Variants in ABCA7 observed in about 807,000 individuals in gnomAD.
ABCA7 encodes phospholipid-transporting ATPase ABCA7.
Under a neutral mutation model 227.6 loss-of-function variants are expected in ABCA7, and 261 were observed. The ratio of observed to expected loss-of-function variants is 1.15; its 90% CI spans 1.04 to 1.27. ABCA7 has a LOEUF of 1.27. Among genes scored for constraint, ABCA7 ranks in the 50% most tolerant of loss-of-function variants. The probability of loss-of-function intolerance (pLI) is 0.00; values close to 1 mark genes in which losing one functional copy is unlikely to be tolerated. For synonymous variants in ABCA7, 1,488 were observed against 1,279.7 expected, an observed-to-expected ratio of 1.16 and a Z score of -3.47; for missense variants, 3,331 against 2,924.5, an observed-to-expected ratio of 1.14 and a Z score of -3.21.
rs2042838742 is a variant in ABCA7 at position 1,063,684 on chromosome 19, TG to T, written c.5847+9del. On this transcript the variant is annotated splice_region_variant and intron_variant, in intron 43 of 46. Transcript: ENST00000263094. ...ACCCAGCCGTGGTGTTTCTGGTGCG[TG>T]GGAGCGGTGCCTGGGTGGGGTGGGG... 6.3e-7 allele frequency: 1 copy of T among 1,586,256 alleles called. No homozygotes were observed. Among genetic ancestry groups the T allele is most frequent in the African/African-American group, 1.3e-5 (1 of 74,414 alleles).
At position 1,058,893 on chromosome 19, in the gene ABCA7, C is replaced by T; in HGVS notation, c.5353C>T (p.Gln1785Ter). ...DVARERERVV[Q>*]GATQGDVLVL... The stretch of plus-strand genomic sequence containing the variant: ...AGCCCGTGAACGGGAGCGGGTGGTC[C>T]AAGGAGCCACCCAGGGGGATGTGTT... The change falls in exon 39 of 47, where the codon CAA (glutamine) becomes TAA (stop). Residue 1785 changes from glutamine (Q) to a stop codon, truncating the protein, a stop_gained. Transcript: ENST00000263094. LOFTEE classifies it high-confidence loss of function. 1.3e-6 allele frequency: 2 copies of T among 1,585,586 alleles called. No homozygotes were observed. The highest frequency in any genetic ancestry group is 8.6e-7 in the Non-Finnish European group (1 of 1,162,090).
Position 1,046,911 on chromosome 19 carries a change from C to A in ABCA7, c.1732C>A (p.Arg578=), listed in dbSNP as rs564544240. Residue 578 remains arginine (R), a synonymous_variant, in exon 14 of 47, where the codon CGG becomes AGG. Transcript: ENST00000263094. ...GGTGCGGGAGAAGGAGACGCGGCTG[C>A]GGGACACCATGCGCGCCATGGGGCT... The part of the protein sequence containing the change: ...AVVREKETRL[R]DTMRAMGLSR... The A allele has an allele frequency of 1.4e-5, 21 of 1,551,500 alleles. No individual in the cohort carries two copies. The Middle Eastern group carries it at 1.7e-3, about 123-fold the overall frequency.
In ABCA7 at chr19:1,063,763, G is replaced by C; in HGVS notation, c.5851G>C (p.Glu1951Gln). ...VGDPAVVFLD[E>Q]PTTGMDPSAR... ...TGGGATCTTCCGTGCTCCCCAGGAC[G>C]AGCCGACCACAGGCATGGACCCCAG... Residue 1951 changes from glutamate (E) to glutamine (Q), a missense_variant, in exon 44 of 47, where the codon GAG (glutamate) becomes CAG (glutamine). Physicochemically the swap from Glu to Gln is conservative, Grantham distance 29 (BLOSUM62 2). Transcript: ENST00000263094. 1.9e-6 allele frequency: 3 copies of C among 1,547,214 alleles called. No individual in the cohort carries two copies. Among genetic ancestry groups the C allele is most frequent in the Non-Finnish European group, 2.6e-6 (3 of 1,145,886 alleles).
In ABCA7 at chr19:1,051,068, C is replaced by A. The variant is rs1319165590; in HGVS notation, c.2684+16C>A. ...TGTTTGACATGTGCGTCTCGGCAGG[C>A]CCAGAGTGCAGCGGTGGGAAGGGAC... is the stretch of plus-strand genomic sequence containing the variant. On this transcript the variant is annotated intron_variant, in intron 19 of 46. Coordinates refer to ENST00000263094, the MANE Select transcript of ABCA7 (RefSeq NM_019112.4). The A allele has an allele frequency of 1.9e-6, 3 of 1,609,004 alleles. No individual in the cohort carries two copies. The South Asian group carries it at 3.3e-5, about 18-fold the overall frequency.
rs780081585 is a variant in ABCA7, at chr19:1,063,590, A to G, written c.5759A>G (p.Asp1920Gly). 14 of 1,611,072 alleles carry G rather than the reference A, an allele frequency of 8.7e-6. No homozygotes were observed. In the African/African-American group the frequency reaches 1.6e-4, roughly 18 times the overall value. The change falls in exon 43 of 47, where the codon GAC (aspartate) becomes GGC (glycine). Residue 1920 changes from aspartate to glycine, a missense_variant. Physicochemically the swap from Asp to Gly is moderately conservative, Grantham distance 94 (BLOSUM62 -1). Coordinates refer to ENST00000263094, the MANE Select transcript of ABCA7 (RefSeq NM_019112.4). Reference protein sequence around the residue: ...LARLGLSWYADRPAGTYSGGN... With the variant: ...LARLGLSWYAGRPAGTYSGGN... ...CGTCTGGGACTCTCATGGTACGCAGACCGGCCTGCAGGCACCTACAGCGGA... is the reference window on the plus strand; with the variant it reads ...CGTCTGGGACTCTCATGGTACGCAGGCCGGCCTGCAGGCACCTACAGCGGA...
Position 1,044,592 on chromosome 19 carries a change from C to A in ABCA7, c.1063C>A (p.Gln355Lys). The A allele has an allele frequency of 6.2e-7, 1 of 1,612,100 alleles. No individual in the cohort carries two copies. The highest frequency in any genetic ancestry group is 2.2e-5 in the East Asian group (1 of 44,848). ...VAMLQRLLQM[Q>K]DEGRRQPRPG... ...CGCCCCCCAGCGGCTCCTGCAGATG[C>A]AGGATGAAGGAAGAAGGCAGCCCAG... Residue 355 changes from glutamine to lysine, a missense_variant, in exon 11 of 47, where the codon CAG becomes AAG. Transcript: ENST00000263094.
At position 1,042,377 on chromosome 19, in the gene ABCA7, C is replaced by T; in HGVS notation, c.478C>T (p.Leu160=). 1 of 1,607,032 alleles carries T rather than the reference C, an allele frequency of 6.2e-7. No individual in the cohort carries two copies. Among genetic ancestry groups the T allele is most frequent in the Non-Finnish European group, 8.5e-7 (1 of 1,175,296 alleles). ...ACCCATGCTGGATGTCGCGGAGCTGCTGACGTCACTGCTGCGCACGGTAGG... is the reference window on the plus strand; with the variant it reads ...ACCCATGCTGGATGTCGCGGAGCTGTTGACGTCACTGCTGCGCACGGTAGG... The part of the protein sequence containing the change: ...EPPMLDVAEL[L]TSLLRTESLG... Residue 160 remains leucine, a synonymous_variant, in exon 6 of 47, where the codon CTG becomes TTG. Coordinates refer to ENST00000263094, the MANE Select transcript of ABCA7 (RefSeq NM_019112.4).
intron 38 of ABCA7, 29 bp downstream of exon 38, chr19:1,058,776 G>T (rs781489284): frequency 6.2e-7 from 1 of 1,606,990 alleles, no homozygotes; most frequent in East Asian, 2.2e-5. Flanking sequence ...GAGGGTGGCA[G>T]GGGCCAAGGA....
At chr19:1,046,206 C>G (rs759543849) in intron 12 of ABCA7, 24 bp from the exon 13 acceptor site, 1 of 1,602,230 alleles carries the variant, frequency 6.2e-7, no homozygotes, top group Non-Finnish European at 8.5e-7. Context: ...TTCCCTACAA[C>G]CGGCCACCAT....
chr19:1,051,033 T>C lies in ABCA7; in HGVS notation c.2665T>C (p.Tyr889His), dbSNP rs1200566860. The C allele has an allele frequency of 1.2e-6, 2 of 1,611,792 alleles. No homozygotes were observed. The highest frequency in any genetic ancestry group is 2.2e-5 in the South Asian group (2 of 91,014). The change falls in exon 19 of 47, where the codon TAC becomes CAC. Residue 889 changes from tyrosine to histidine, a missense_variant. Physicochemically the swap from Tyr to His is moderately conservative, Grantham distance 83. Transcript: ENST00000263094. ...GCCCCACCTGGGCGTCTGTCCTCAG[T>C]ACAACGTGCTGTTTGACATGTGCGT... ...IRPHLGVCPQ[Y>H]NVLFDMLTVD...
At chr19:1,042,631 T>G (rs1400357660) in intron 6 of ABCA7, 115 bp from the exon 7 acceptor site, 1 of 1,189,064 alleles carries the variant, frequency 8.4e-7, no homozygotes, top group East Asian at 2.3e-5. Flanking sequence ...AGCCTCAGTT[T>G]CCCTATTTGT....
In ABCA7 at chr19:1,043,040, G is replaced by T; in HGVS notation, c.580-1G>T. The T allele has an allele frequency of 6.3e-7, 1 of 1,597,942 alleles. No individual in the cohort carries two copies. The highest frequency in any genetic ancestry group is 8.6e-7 in the Non-Finnish European group (1 of 1,169,190). On this transcript the variant is annotated splice_acceptor_variant, in intron 7 of 46. Coordinates refer to ENST00000263094, the MANE Select transcript of ABCA7 (RefSeq NM_019112.4). LOFTEE classifies it high-confidence loss of function. ...AGCTCCGTCTGGTAACCTCTCTCTA[G>T]CTCCTGGCGCTGCGCAGCCTGGTGG...
Position 1,062,256 on chromosome 19 carries a change from C to T in ABCA7, c.5655C>T (p.Arg1885=), listed in dbSNP as rs751066919. Residue 1885 remains arginine, a synonymous_variant, in exon 42 of 47, where the codon CGC becomes CGT. Transcript: ENST00000263094. ...CCATCTTTGAGCTGCTGACGGGCCG[C>T]GAGCACCTGGAGCTGCTTGCGCGCC... is the stretch of plus-strand genomic sequence containing the variant. The part of the protein sequence containing the change: ...SDAIFELLTG[R]EHLELLARLR... 14 of 1,611,612 alleles carry T rather than the reference C, an allele frequency of 8.7e-6. No individual in the cohort carries two copies. Among genetic ancestry groups the T allele is most frequent in the Non-Finnish European group, 1.1e-5 (13 of 1,179,786 alleles).
In ABCA7 at chr19:1,041,427, G is replaced by A. The variant is rs1298550372; in HGVS notation, c.66G>A (p.Pro22=). 7 of 1,613,984 alleles carry A rather than the reference G, an allele frequency of 4.3e-6. No individual in the cohort carries two copies. Among genetic ancestry groups the A allele is most frequent in the South Asian group, 1.1e-5 (1 of 91,082 alleles). ...WKNFMYRRRQ[P]VQLLVELLWP... Reference sequence around the variant, plus strand: ...ATTTCATGTATCGCCGGAGACAGCCGGTAACGCCCCAGTGTGAGACCAGGG... The same window carrying A: ...ATTTCATGTATCGCCGGAGACAGCCAGTAACGCCCCAGTGTGAGACCAGGG... Residue 22 remains proline (P), a splice_region_variant and synonymous_variant, in exon 2 of 47, where the codon CCG becomes CCA. Transcript: ENST00000263094.
chr19:1,051,525 G>C lies in ABCA7; in HGVS notation c.2901G>C (p.Thr967=). The C allele has an allele frequency of 1.2e-6, 2 of 1,612,678 alleles. No homozygotes were observed. The change falls in exon 21 of 47, where the codon ACG becomes ACC. Residue 967 remains threonine, a synonymous_variant. Coordinates refer to ENST00000263094, the MANE Select transcript of ABCA7 (RefSeq NM_019112.4). ...GSQVVILDEP[T]AGVDPASRRG... is the part of the protein sequence containing the mutation. Reference sequence around the variant, plus strand: ...AAGTTGTTATCCTGGACGAGCCTACGGCTGGCGTGGATCCTGCTTCCCGCC... The same window carrying C: ...AAGTTGTTATCCTGGACGAGCCTACCGCTGGCGTGGATCCTGCTTCCCGCC...
chr19:1,051,169 A>G lies in ABCA7; in HGVS notation c.2699A>G (p.Glu900Gly). The change falls in exon 20 of 47, where the codon GAG becomes GGG. Residue 900 changes from glutamate (E) to glycine (G), a missense_variant. Physicochemically the swap from Glu to Gly is moderately conservative, Grantham distance 98. Coordinates refer to ENST00000263094, the MANE Select transcript of ABCA7 (RefSeq NM_019112.4). ...ACTGGCCGCAGGCTGACCGTGGACG[A>G]GCACGTCTGGTTCTATGGGCGGCTG... ...NVLFDMLTVD[E>G]HVWFYGRLKG... The G allele has an allele frequency of 1.2e-6, 2 of 1,611,254 alleles. No individual in the cohort carries two copies. The highest frequency in any genetic ancestry group is 1.7e-4 in the Middle Eastern group (1 of 6,060).
At position 1,057,943 on chromosome 19, in the gene ABCA7, G is replaced by GCCT. The variant is rs755975422; in HGVS notation, c.4913_4915dup (p.Ser1638dup). The GCCT allele has an allele frequency of 6.2e-7, 1 of 1,614,028 alleles. No individual in the cohort carries two copies. The highest frequency in any genetic ancestry group is 1.1e-5 in the South Asian group (1 of 91,080). ...GTCGATCACACCGCTCATGTACCCA[G>GCCT]CCTCCTTCTTCTTCTCCGTGCCCAG... On this transcript the variant is annotated inframe_insertion, in exon 36 of 47. Transcript: ENST00000263094.
rs1227320762 is a variant in ABCA7, at chr19:1,046,322, C to G, written c.1538C>G (p.Ala513Gly). The change falls in exon 13 of 47, where the codon GCA becomes GGA. Residue 513 changes from alanine (A) to glycine (G), a missense_variant. Physicochemically the swap from Ala to Gly is moderately conservative, Grantham distance 60 (BLOSUM62 0). Transcript: ENST00000263094. ...FVYLQDLVER[A>G]AVRVLSGANP... is the part of the protein sequence containing the mutation. ...TACCTGCAAGACCTGGTGGAGCGTG[C>G]AGCCGTCCGCGTGCTCAGCGGCGCC... 1 of 1,603,666 alleles carries G rather than the reference C, an allele frequency of 6.2e-7. No homozygotes were observed. Among genetic ancestry groups the G allele is most frequent in the Admixed American group, 1.7e-5 (1 of 59,868 alleles).
At chr19:1,064,402 T>A (rs2042897662) in intron 45 of ABCA7, 149 bp downstream of exon 45, 1 of 925,168 alleles carries the variant, frequency 1.1e-6, no homozygotes, top group Non-Finnish European at 1.5e-6. Flanking sequence ...CAGGGGTGAC[T>A]GAGGGGGCGA....
Sources: gnomAD v4.1 joint callset for allele counts on GRCh38, gnomAD v4.1.1 for gene constraint, MANE v1.5 for transcripts, NCBI Gene and HGNC (gene_info 2026-07-23, HGNC 2026-07-21) for gene names.